Variants in SCHIP1 observed in about 807,000 individuals in gnomAD.
SCHIP1 encodes schwannomin-interacting protein 1.
Under a neutral mutation model 29.7 loss-of-function variants are expected in SCHIP1, and 8 were observed. The ratio of observed to expected loss-of-function variants is 0.27; its 90% confidence interval spans 0.16 to 0.49. SCHIP1 has a LOEUF of 0.49. Among genes scored for constraint, SCHIP1 ranks in the 20% least tolerant of loss-of-function variants. The pLI, the probability that SCHIP1 is intolerant of heterozygous loss-of-function variation, is 0.99. For synonymous variants in SCHIP1, 76 were observed against 94.9 expected, an observed-to-expected ratio of 0.80 and a Z score of 1.16; for missense variants, 193 against 294.6, an observed-to-expected ratio of 0.66 and a Z score of 2.52.
At chr3:159,458,772 T>C in the SCHIP1 span, among the ~76,000 whole-genome samples, 1 of 152,142 alleles carries the variant, frequency 6.6e-6, no homozygotes, top group Non-Finnish European at 1.5e-5. Context: ...ATTAGGGAAT[T>C]AATCTTTTAT....
the SCHIP1 span, among the ~76,000 whole-genome samples, chr3:159,539,528 C>T: frequency 7.4e-6 from 1 of 135,548 alleles, no homozygotes; most frequent in African/African-American, 2.6e-5. Context: ...TGTGGGTATG[C>T]TTGACCCACA....
chr3:159,510,112 A>G, the SCHIP1 span, among the ~76,000 whole-genome samples: 5 of 152,276 alleles, frequency 3.3e-5, no homozygotes, highest in East Asian at 9.6e-4. Context: ...CACCAATCAG[A>G]CGTAGATTTG....
the SCHIP1 span, chr3:159,401,027 A>G: frequency 8.2e-5 from 16 of 195,260 alleles, no homozygotes; most frequent in African/African-American, 3.8e-4. Flanking sequence ...GTGTTTACAA[A>G]TATCCTAACC....
chr3:159,591,301 T>C, the SCHIP1 span, among the ~76,000 whole-genome samples: 1 of 152,164 alleles, frequency 6.6e-6, no homozygotes, highest in Non-Finnish European at 1.5e-5. Context: ...TCCAACACTA[T>C]GTTTTTACAC....
At chr3:159,678,923 C>T in the SCHIP1 span, among the ~76,000 whole-genome samples, 502 of 152,266 alleles carry the variant, frequency 3.3e-3, 4 homozygotes, top group African/African-American at 0.012. Context: ...GAATATCGCC[C>T]TTTGATTCAA....
the SCHIP1 span, among the ~76,000 whole-genome samples, chr3:159,644,994 T>G: frequency 6.6e-6 from 1 of 152,270 alleles, no homozygotes; most frequent in African/African-American, 2.4e-5. Flanking sequence ...AACTGATCCC[T>G]GAAACACAGC....
chr3:159,764,673 G>T, the SCHIP1 span: 5 of 1,589,032 alleles, frequency 3.1e-6, no homozygotes, highest in Non-Finnish European at 4.3e-6. This position sits in a 1 kb window ranked among gnomAD's most constrained non-coding sequence, Gnocchi z 6.1. Flanking sequence ...AGGAGGACGG[G>T]GAGGAGGAGG....
chr3:159,291,066 C>T, the SCHIP1 span, among the ~76,000 whole-genome samples: 3,939 of 152,080 alleles, frequency 0.026, 70 homozygotes, highest in Non-Finnish European at 0.037. Context: ...TCTGTAAAAA[C>T]CAGAATTACT....
the SCHIP1 span, among the ~76,000 whole-genome samples, chr3:159,319,016 C>A: frequency 2.6e-5 from 4 of 152,164 alleles, no homozygotes; most frequent in Admixed American, 2.0e-4. Context: ...TCTATAGGAG[C>A]CTGCCAAAGG....
chr3:159,701,186 C>A, the SCHIP1 span, among the ~76,000 whole-genome samples: 1 of 151,950 alleles, frequency 6.6e-6, no homozygotes, highest in South Asian at 2.1e-4. Flanking sequence ...ACTTTTTTAC[C>A]CTTTCTGTTT....
At chr3:159,379,281 G>T in the SCHIP1 span, among the ~76,000 whole-genome samples, 1 of 151,858 alleles carries the variant, frequency 6.6e-6, no homozygotes, top group Non-Finnish European at 1.5e-5. Flanking sequence ...GAGTGCAGTG[G>T]CACGATCTTG....
chr3:159,683,993 C>A, the SCHIP1 span, among the ~76,000 whole-genome samples: 2 of 152,090 alleles, frequency 1.3e-5, no homozygotes, highest in African/African-American at 4.8e-5. Flanking sequence ...TCTTAAAAAT[C>A]TTGCTGGCCA....
At chr3:159,513,742 A>G in the SCHIP1 span, among the ~76,000 whole-genome samples, 1 of 152,212 alleles carries the variant, frequency 6.6e-6, no homozygotes, top group Non-Finnish European at 1.5e-5. Flanking sequence ...CTGTTTCCAC[A>G]GCTGATGCTG....
At chr3:159,502,864 C>T in the SCHIP1 span, among the ~76,000 whole-genome samples, 3 of 152,206 alleles carry the variant, frequency 2.0e-5, no homozygotes, top group Admixed American at 2.0e-4. Flanking sequence ...CACAGGTTCC[C>T]ACACAGGGGC....
chr3:159,839,359 A>G (rs1397222013), upstream of SCHIP1, among the ~76,000 whole-genome samples: 4 of 151,944 alleles, frequency 2.6e-5, no homozygotes, highest in Admixed American at 2.0e-4. Flanking sequence ...TTAATATTTT[A>G]ATAAGCTCTC....
At chr3:159,611,603 G>A in the SCHIP1 span, among the ~76,000 whole-genome samples, 17 of 151,936 alleles carry the variant, frequency 1.1e-4, no homozygotes, top group Non-Finnish European at 2.1e-4. Flanking sequence ...CCTAGATGAC[G>A]GGTTGATGGG....
At chr3:159,373,016 A>T in the SCHIP1 span, among the ~76,000 whole-genome samples, 2 of 151,982 alleles carry the variant, frequency 1.3e-5, no homozygotes, top group Non-Finnish European at 2.9e-5. Context: ...TTTATAAGCA[A>T]ATCATTTATC....
chr3:159,429,848 A>G, the SCHIP1 span, among the ~76,000 whole-genome samples: 184 of 152,316 alleles, frequency 1.2e-3, no homozygotes, highest in African/African-American at 4.3e-3. Flanking sequence ...TTTTTATCCC[A>G]TATGACAGGA....
chr3:159,348,423 G>A, the SCHIP1 span, among the ~76,000 whole-genome samples: 1 of 152,080 alleles, frequency 6.6e-6, no homozygotes, highest in African/African-American at 2.4e-5. Flanking sequence ...AGAGTATAAA[G>A]ACATGGCTCA....
Sources: allele counts gnomAD v4.1 joint callset (sites outside exome capture counted in the v4.1 genomes callset), GRCh38; gene constraint gnomAD v4.1.1; non-coding constraint Gnocchi (gnomAD v3.1); transcripts MANE v1.5; gene names NCBI Gene and HGNC (gene_info 2026-07-23, HGNC 2026-07-21).